CBFA2T2: variants seen among roughly 807,000 people sequenced by gnomAD.
CBFA2T2 encodes protein CBFA2T2.
A neutral mutation model predicts 62.2 loss-of-function variants in CBFA2T2; 11 were observed. The observed-to-expected ratio is 0.18, with a 90% CI of 0.11 to 0.29. CBFA2T2 has a LOEUF of 0.29. Ranked by LOEUF, CBFA2T2 falls within the 10% of genes least tolerant of loss-of-function variation. The pLI, the probability that CBFA2T2 is intolerant of heterozygous loss-of-function variation, is 1.00. For missense variants in CBFA2T2, 592 were observed against 774.1 expected (o/e 0.76, Z 2.79); for synonymous variants, 295 against 287.5 (o/e 1.03, Z -0.27).
chr20:33,519,799 T>A (rs2011681142), intron 1 of CBFA2T2, among the ~76,000 whole-genome samples: 1 of 152,102 alleles, frequency 6.6e-6, no homozygotes, highest in South Asian at 2.1e-4. Flanking sequence ...GAAGACTCCT[T>A]TGAGGAGCAT....
At chr20:33,535,336 A>G (rs912045096) in intron 1 of CBFA2T2, among the ~76,000 whole-genome samples, 2 of 151,850 alleles carry the variant, frequency 1.3e-5, no homozygotes, top group Non-Finnish European at 2.9e-5. Flanking sequence ...CAAAAACTGG[A>G]AAATTTGGCC....
At chr20:33,632,050 G>T (rs561062089) in intron 8 of CBFA2T2, among the ~76,000 whole-genome samples, 3 of 152,102 alleles carry the variant, frequency 2.0e-5, no homozygotes, top group South Asian at 2.1e-4. Flanking sequence ...TTGTTTGTTC[G>T]TTTTTGTTTG....
intron 1 of CBFA2T2, among the ~76,000 whole-genome samples, chr20:33,532,446 A>G (rs1227221548): frequency 6.6e-6 from 1 of 152,206 alleles, no homozygotes; most frequent in Non-Finnish European, 1.5e-5. Flanking sequence ...CTTTTTCACC[A>G]GGCTATTTAG....
chr20:33,517,008 A>G (rs2011611041), intron 1 of CBFA2T2, among the ~76,000 whole-genome samples: 1 of 152,230 alleles, frequency 6.6e-6, no homozygotes, highest in African/African-American at 2.4e-5. Context: ...CACACCTTTC[A>G]GAGAACTTTC....
At chr20:33,541,097 C>G (rs1205519583) in intron 1 of CBFA2T2, among the ~76,000 whole-genome samples, 1 of 152,174 alleles carries the variant, frequency 6.6e-6, no homozygotes, top group Admixed American at 6.5e-5. Flanking sequence ...TGGAACCAGT[C>G]AACTGGCACC....
intron 1 of CBFA2T2, among the ~76,000 whole-genome samples, chr20:33,552,605 A>G (rs1490934224): frequency 1.3e-5 from 2 of 152,222 alleles, no homozygotes; most frequent in Admixed American, 6.5e-5. Context: ...GTGGATGTGA[A>G]GGTGAATAAG....
At chr20:33,642,099 C>A (rs1484421194) in intron 10 of CBFA2T2, among the ~76,000 whole-genome samples, 3 of 119,170 alleles carry the variant, frequency 2.5e-5, no homozygotes, top group Non-Finnish European at 4.8e-5. Flanking sequence ...TCTCCTCCTC[C>A]TTTGTCTTTT....
intron 1 of CBFA2T2, among the ~76,000 whole-genome samples, chr20:33,541,758 T>C (rs2012414572): frequency 6.6e-6 from 1 of 152,230 alleles, no homozygotes; most frequent in Non-Finnish European, 1.5e-5. Context: ...AAGAGACTTT[T>C]TCTATAATTT....
intron 1 of CBFA2T2, among the ~76,000 whole-genome samples, chr20:33,597,462 T>C (rs550951017): frequency 5.8e-4 from 89 of 152,192 alleles, no homozygotes; most frequent in Non-Finnish European, 1.1e-3. Flanking sequence ...ATCTGTGACC[T>C]GTTAGGAACC....
Position 33,647,899 on chromosome 20 carries a change from G to C in CBFA2T2, c.*3253G>C, listed in dbSNP as rs1461537598. 4 of 152,240 alleles carry C rather than the reference G, an allele frequency of 2.6e-5. No homozygotes were observed. Among genetic ancestry groups the C allele is most frequent in the Non-Finnish European group, 5.9e-5 (4 of 68,050 alleles). 9.4% of individuals were successfully genotyped at this position (152,240 alleles called of 1,614,324 possible). A position where few individuals can be genotyped will look rare whatever the true frequency, so the allele number is the denominator to read the frequency against. ...GCAAACCTTCTGCTGTGTTAATTCT[G>C]GTCAGTTTCACACAGAAGTCACGAG... On this transcript the variant is annotated 3_prime_UTR_variant, in exon 11 of 11. Coordinates refer to ENST00000342704, the MANE Select transcript of CBFA2T2 (RefSeq NM_001032999.3).
chr20:33,582,235 G>C (rs751264059), intron 1 of CBFA2T2, among the ~76,000 whole-genome samples: 4 of 152,088 alleles, frequency 2.6e-5, no homozygotes, highest in Non-Finnish European at 5.9e-5. Context: ...GCTCACGCCT[G>C]TAATCTCAGC....
chr20:33,577,646 G>A (rs1019505450), intron 1 of CBFA2T2, among the ~76,000 whole-genome samples: 6 of 152,184 alleles, frequency 3.9e-5, no homozygotes, highest in African/African-American at 1.2e-4. Flanking sequence ...TGGTCACAAT[G>A]TGCAAACTTC....
intron 1 of CBFA2T2, among the ~76,000 whole-genome samples, chr20:33,570,232 G>A (rs1297442939): frequency 6.6e-6 from 1 of 152,214 alleles, no homozygotes; most frequent in African/African-American, 2.4e-5. Context: ...AGGGAGCCGA[G>A]ATCATGCCAC....
At chr20:33,622,271 G>A (rs2016022473) in intron 4 of CBFA2T2, among the ~76,000 whole-genome samples, 1 of 152,140 alleles carries the variant, frequency 6.6e-6, no homozygotes, top group Admixed American at 6.5e-5. Context: ...CACTAATTAT[G>A]GTGCCTGCTA....
intron 1 of CBFA2T2, among the ~76,000 whole-genome samples, chr20:33,504,916 C>T (rs1294335019): frequency 6.6e-6 from 1 of 152,116 alleles, no homozygotes; most frequent in Non-Finnish European, 1.5e-5. Flanking sequence ...CTCTCTGTTA[C>T]TTGTTTTAGA....
At chr20:33,512,934 A>G (rs574295652) in intron 1 of CBFA2T2, among the ~76,000 whole-genome samples, 56 of 151,936 alleles carry the variant, frequency 3.7e-4, no homozygotes, top group African/African-American at 1.2e-3. Flanking sequence ...TTGTATTTTT[A>G]GTAGAGACAG....
intron 1 of CBFA2T2, among the ~76,000 whole-genome samples, chr20:33,565,760 C>G (rs1270663493): frequency 6.6e-6 from 1 of 152,082 alleles, no homozygotes; most frequent in African/African-American, 2.4e-5. Context: ...GGAAATTCTC[C>G]TAAATTGGCT....
intron 1 of CBFA2T2, among the ~76,000 whole-genome samples, chr20:33,525,778 A>G (rs1386139340): frequency 5.3e-5 from 8 of 152,008 alleles, no homozygotes; most frequent in Non-Finnish European, 8.8e-5. Context: ...CAGCCTCCCA[A>G]GTAGCTGGAA....
rs111558647 is a variant in CBFA2T2, at chr20:33,521,823, CGT to C, written c.34+31545_34+31546del. Among the ~76,000 whole-genome samples the C allele has an allele frequency of 6.2e-3, 917 of 147,976 alleles. 4 individuals are homozygous for C. The highest frequency in any genetic ancestry group is 0.019 in the African/African-American group (783 of 40,476). ...CAAAAAAAGATGTAAATTTGAGCTGCGTGTGTGTGTGTGTGTGTGTGTGTTTC... is the reference window on the plus strand; with the variant it reads ...CAAAAAAAGATGTAAATTTGAGCTGCGTGTGTGTGTGTGTGTGTGTGTTTC... On this transcript the variant is annotated intron_variant, in intron 1 of 10. Transcript: ENST00000342704.
Sources: gnomAD v4.1 joint callset for allele counts (sites outside exome capture counted in the v4.1 genomes callset) on GRCh38, gnomAD v4.1.1 for gene constraint, MANE v1.5 for transcripts, NCBI Gene and HGNC (gene_info 2026-07-23, HGNC 2026-07-21) for gene names.